The following MECOM variants were observed in gnomAD, a reference collection of about 807,000 sequenced individuals.
MECOM encodes histone-lysine N-methyltransferase MECOM.
In MECOM, 13 loss-of-function variants were observed where a neutral mutation model predicts 116.3. The observed-to-expected ratio is 0.11, with a 90% CI of 0.07 to 0.18. MECOM has a LOEUF of 0.18. MECOM is among the 10% of genes least tolerant of loss of function. The probability of loss-of-function intolerance (pLI) is 1.00; values close to 1 mark genes in which losing one functional copy is unlikely to be tolerated. For synonymous variants in MECOM, 528 were observed against 535.2 expected, an observed-to-expected ratio of 0.99 and a Z score of 0.19; for missense variants, 1,299 against 1,509.0, an observed-to-expected ratio of 0.86 and a Z score of 2.31.
In MECOM at chr3:169,127,923, C is replaced by G; in HGVS notation, c.751G>C (p.Glu251Gln). 2 of 1,614,050 alleles carry G rather than the reference C, an allele frequency of 1.2e-6. No homozygotes were observed. Among genetic ancestry groups the G allele is most frequent in the Middle Eastern group, 1.6e-4 (1 of 6,062 alleles). ...ATCTCTTGGAGATCATTCTCGCTTTCGAGTTTTTGCTGAAAGTCCTCTTCA... is the reference window on the plus strand; with the variant it reads ...ATCTCTTGGAGATCATTCTCGCTTTGGAGTTTTTGCTGAAAGTCCTCTTCA... ...MVEEDFQQKL[E>Q]SENDLQEIHT... The change falls in exon 5 of 17, where the codon GAA becomes CAA. Residue 251 changes from glutamate to glutamine, a missense_variant. By Grantham distance (29) the Glu-to-Gln change is conservative. This residue lies in a region of MECOM where 374 missense variants were observed against 433.4 expected (regional missense o/e 0.86). Transcript: ENST00000651503.
intron 1 of MECOM, among the ~76,000 whole-genome samples, chr3:169,473,881 T>A (rs1228923129): frequency 6.6e-6 from 1 of 151,106 alleles, no homozygotes; most frequent in Non-Finnish European, 1.5e-5. Context: ...ACTATATATA[T>A]GTAGTATTCA....
At chr3:169,493,975 A>G (rs1753486907) in intron 1 of MECOM, among the ~76,000 whole-genome samples, 1 of 152,212 alleles carries the variant, frequency 6.6e-6, no homozygotes, top group South Asian at 2.1e-4. Context: ...CTTAAACGGT[A>G]GGAAAGAATA....
At chr3:169,464,468 C>A (rs1296049031) in intron 1 of MECOM, among the ~76,000 whole-genome samples, 1 of 74,902 alleles carries the variant, frequency 1.3e-5, no homozygotes, top group Non-Finnish European at 2.9e-5. Context: ...AGATCTCACA[C>A]CCTCTAGTTT....
chr3:169,563,806 C>T (rs185106623), intron 1 of MECOM, among the ~76,000 whole-genome samples: 5 of 152,280 alleles, frequency 3.3e-5, no homozygotes, highest in African/African-American at 1.2e-4. Context: ...GTTCTCAAAA[C>T]TGTCCTCCTG....
chr3:169,417,173 C>T (rs571704532), intron 1 of MECOM, among the ~76,000 whole-genome samples: 1,740 of 151,044 alleles, frequency 0.012, 30 homozygotes, highest in African/African-American at 0.04. Flanking sequence ...AACAGGCAAC[C>T]TACAAAATGG....
rs36112986 is a variant in MECOM, at chr3:169,432,000, CT to C, written c.38-50477del. On this transcript the variant is annotated intron_variant, in intron 1 of 16. Coordinates refer to ENST00000651503, the MANE Select transcript of MECOM (RefSeq NM_004991.4). ...TGGATTTTGGGGTGAGGTTTTTCAC[CT>C]TTTTTTTTTTCACATTGTGTTAGCC... is the stretch of plus-strand genomic sequence containing the variant. Among the ~76,000 whole-genome samples the C allele has an allele frequency of 3.2e-3, 461 of 145,902 alleles. 9 individuals carry two copies. In the South Asian group the frequency reaches 0.042, roughly 13 times the overall value.
intron 2 of MECOM, among the ~76,000 whole-genome samples, chr3:169,179,275 C>T (rs961681439): frequency 1.3e-4 from 20 of 152,094 alleles, no homozygotes; most frequent in Non-Finnish European, 4.4e-5. Flanking sequence ...GATATTAATG[C>T]AAAAGCTATT....
At chr3:169,599,238 G>A (rs971473850) in intron 1 of MECOM, among the ~76,000 whole-genome samples, 15 of 152,166 alleles carry the variant, frequency 9.9e-5, no homozygotes, top group Admixed American at 7.9e-4. Flanking sequence ...GCATAAGGCC[G>A]GGCACGGTGG....
At chr3:169,572,601 T>A (rs980598864) in intron 1 of MECOM, among the ~76,000 whole-genome samples, 7 of 152,106 alleles carry the variant, frequency 4.6e-5, no homozygotes, top group African/African-American at 1.7e-4. Flanking sequence ...CAAATGCCCA[T>A]CAATGATAGA....
chr3:169,516,836 C>A (rs764444003), intron 1 of MECOM, among the ~76,000 whole-genome samples: 1 of 152,150 alleles, frequency 6.6e-6, no homozygotes, highest in Non-Finnish European at 1.5e-5. Flanking sequence ...CAGAGGAAAA[C>A]GAATGCTAGT....
intron 12 of MECOM, among the ~76,000 whole-genome samples, chr3:169,096,744 C>T (rs1437102300): frequency 6.6e-6 from 1 of 152,082 alleles, no homozygotes. Flanking sequence ...CTGTGGTTGT[C>T]CTTATGTGAT....
Position 169,246,668 on chromosome 3 carries a change from C to T in MECOM, c.376-102836G>A, listed in dbSNP as rs529656399. On this transcript the variant is annotated intron_variant, in intron 2 of 16. Coordinates refer to ENST00000651503, the MANE Select transcript of MECOM (RefSeq NM_004991.4). ...CTCCGAGTAGCTGGCACTACAGGCGCGTGCCACCATGCCCAGCTAATTTTT... is the reference window on the plus strand; with the variant it reads ...CTCCGAGTAGCTGGCACTACAGGCGTGTGCCACCATGCCCAGCTAATTTTT... Among the ~76,000 whole-genome samples the T allele has an allele frequency of 5.9e-5, 9 of 152,036 alleles. No individual in the cohort carries two copies. In the South Asian group the frequency reaches 1.0e-3, roughly 18 times the overall value.
chr3:169,208,846 A>T (rs147384895), intron 2 of MECOM, among the ~76,000 whole-genome samples: 4,357 of 151,144 alleles, frequency 0.029, 100 homozygotes, highest in Non-Finnish European at 0.043. Flanking sequence ...ACTACTTTAA[A>T]TTTCATTTGG....
rs181130965 is a variant in MECOM, at chr3:169,630,079, G to C, written c.37+33257C>G. 2.3e-4 allele frequency among the ~76,000 whole-genome samples: 35 copies of C among 152,258 alleles called. No homozygotes were observed. The East Asian group carries it at 6.2e-3, about 27-fold the overall frequency. On this transcript the variant is annotated intron_variant, in intron 1 of 16. Transcript: ENST00000651503. ...AGATGGAAAGAGAGTGGCTTGTGAC[G>C]CTCTCCACACAATGAAGAAAGAAAC...
rs1055680182 is a variant in MECOM, at chr3:169,092,943, A to G, written c.3164+15T>C. On this transcript the variant is annotated intron_variant, in intron 14 of 16. Coordinates refer to ENST00000651503, the MANE Select transcript of MECOM (RefSeq NM_004991.4). ...TCAGTCGTCACAGAGTTTAAAAAGT[A>G]AAAGACAGCTTTACCTCTCCTCCAC... The G allele has an allele frequency of 1.2e-6, 2 of 1,613,546 alleles. No homozygotes were observed. The highest frequency in any genetic ancestry group is 1.7e-6 in the Non-Finnish European group (2 of 1,179,624).
At chr3:169,509,966 C>A (rs1755763936) in intron 1 of MECOM, among the ~76,000 whole-genome samples, 1 of 152,230 alleles carries the variant, frequency 6.6e-6, no homozygotes. Flanking sequence ...CCAGCAGATG[C>A]TCAAACAAAT....
intron 12 of MECOM, among the ~76,000 whole-genome samples, chr3:169,097,988 G>A (rs1002692829): frequency 1.3e-5 from 2 of 151,950 alleles, no homozygotes; most frequent in African/African-American, 4.8e-5. Context: ...TCAGCCACAG[G>A]AAGCAGACAA....
intron 8 of MECOM, among the ~76,000 whole-genome samples, chr3:169,114,934 C>A (rs1241069955): frequency 1.3e-5 from 2 of 152,024 alleles, no homozygotes; most frequent in Non-Finnish European, 2.9e-5. Flanking sequence ...TATGACCAGC[C>A]CTTATTAAGG....
In MECOM at chr3:169,417,968, G is replaced by A. The variant is rs936892778; in HGVS notation, c.38-36444C>T. 2.0e-5 allele frequency among the ~76,000 whole-genome samples: 3 copies of A among 148,366 alleles called. No homozygotes were observed. The Admixed American group carries it at 2.1e-4, about 10-fold the overall frequency. ...TCTGGGGACTGTTGTGGGGTTGGGGGAGCGGGGAGGGATAGCATTAGGAGA... is the reference window on the plus strand; with the variant it reads ...TCTGGGGACTGTTGTGGGGTTGGGGAAGCGGGGAGGGATAGCATTAGGAGA... On this transcript the variant is annotated intron_variant, in intron 1 of 16. Coordinates refer to ENST00000651503, the MANE Select transcript of MECOM (RefSeq NM_004991.4).
Sources: allele counts gnomAD v4.1 joint callset (sites outside exome capture counted in the v4.1 genomes callset), GRCh38; gene constraint gnomAD v4.1.1; regional missense constraint gnomAD v4.1.1; transcripts MANE v1.5; gene names NCBI Gene and HGNC (gene_info 2026-07-23, HGNC 2026-07-21).